Variants in TRIM33 observed in about 807,000 individuals in gnomAD.
The protein encoded by TRIM33 is tripartite motif containing 33.
A neutral mutation model predicts 125.4 loss-of-function variants in TRIM33; 20 were observed. That is an observed-to-expected ratio of 0.16 (90% CI 0.11 to 0.23). The LOEUF is 0.23. Among genes scored for constraint, TRIM33 ranks in the 10% least tolerant of loss-of-function variants. The pLI is 1.00. For synonymous variants in TRIM33, 564 were observed against 513.9 expected (o/e 1.10, Z -1.32); for missense variants, 920 against 1,411.4 (o/e 0.65, Z 5.58).
At position 114,406,016 on chromosome 1, in the gene TRIM33, T is replaced by C. The variant is rs6677898; in HGVS notation, c.2419-257A>G. 0.063 allele frequency among the ~76,000 whole-genome samples: 9,620 copies of C among 152,268 alleles called. 325 individuals are homozygous for C. Among genetic ancestry groups the C allele is most frequent in the African/African-American group, 0.086 (3,562 of 41,538 alleles). On this transcript the variant is annotated intron_variant, in intron 14 of 19. Coordinates refer to ENST00000358465, the MANE Select transcript of TRIM33 (RefSeq NM_015906.4). ...GTAAATTAATTAAACTGTTAAGCTA[T>C]TGATTGGGAAGTGAGCATAGGGTTA... is the stretch of plus-strand genomic sequence containing the variant.
chr1:114,472,000 T>A (rs1213085295), intron 1 of TRIM33, among the ~76,000 whole-genome samples: 1 of 152,176 alleles, frequency 6.6e-6, no homozygotes, highest in East Asian at 1.9e-4. Context: ...CTATTTAGTG[T>A]AAATACTGCT....
At chr1:114,479,150 A>G (rs1651145659) in intron 1 of TRIM33, among the ~76,000 whole-genome samples, 1 of 152,242 alleles carries the variant, frequency 6.6e-6, no homozygotes, top group Non-Finnish European at 1.5e-5. Context: ...CTGACGAGAA[A>G]AGAACAGATC....
intron 1 of TRIM33, among the ~76,000 whole-genome samples, chr1:114,508,282 ATAT>A (rs1169494256): frequency 2.0e-5 from 3 of 152,160 alleles, no homozygotes; most frequent in Non-Finnish European, 4.4e-5. Context: ...GGGGATTTAC[ATAT>A]TATTCTCTCT....
intron 4 of TRIM33, among the ~76,000 whole-genome samples, chr1:114,447,260 A>G (rs1441216646): frequency 6.6e-6 from 1 of 152,198 alleles, no homozygotes; most frequent in Admixed American, 6.5e-5. Flanking sequence ...TAGAGGCAAC[A>G]GAGGTAGTAC....
At chr1:114,464,147 T>C (rs74317591) in intron 2 of TRIM33, 123 bp downstream of exon 2, 16,232 of 528,884 alleles carry the variant, frequency 0.031, 359 homozygotes, top group Non-Finnish European at 0.033. Flanking sequence ...TCTTTAACTT[T>C]CTATTTGAAA....
At chr1:114,487,657 G>A (rs1651785651) in intron 1 of TRIM33, among the ~76,000 whole-genome samples, 1 of 151,622 alleles carries the variant, frequency 6.6e-6, no homozygotes, top group South Asian at 2.1e-4. Flanking sequence ...CAGCACTTTG[G>A]GAGGCCGAGG....
chr1:114,503,181 C>T lies in TRIM33; in HGVS notation c.526+7370G>A, dbSNP rs140282830. Among the ~76,000 whole-genome samples the T allele has an allele frequency of 8.5e-5, 13 of 152,234 alleles. No homozygotes were observed. In the East Asian group the frequency reaches 1.7e-3, roughly 20 times the overall value. ...AAAAATAAACTTGACTACTCTCTCG[C>T]GTTAAAATCTATTTATTGGCTGGGA... is the stretch of plus-strand genomic sequence containing the variant. On this transcript the variant is annotated intron_variant, in intron 1 of 19. Transcript: ENST00000358465.
Position 114,471,716 on chromosome 1 carries a change from T to C in TRIM33, c.527-7328A>G, listed in dbSNP as rs527954461. On this transcript the variant is annotated intron_variant, in intron 1 of 19. Coordinates refer to ENST00000358465, the MANE Select transcript of TRIM33 (RefSeq NM_015906.4). ...AAGTAAAAGTTAAAAAAGCATTAAA[T>C]AGGAATAGTGGGAATACTGTACAAC... Among the ~76,000 whole-genome samples, 3 of 152,122 alleles carry C rather than the reference T, an allele frequency of 2.0e-5. No homozygotes were observed. The South Asian group carries it at 6.2e-4, about 32-fold the overall frequency.
intron 18 of TRIM33, among the ~76,000 whole-genome samples, chr1:114,398,304 C>T (rs780469117): frequency 6.6e-6 from 1 of 152,124 alleles, no homozygotes; most frequent in Non-Finnish European, 1.5e-5. Context: ...ATACAAGAAA[C>T]GTTGCTTTAA....
At chr1:114,503,237 T>C (rs1173647486) in intron 1 of TRIM33, among the ~76,000 whole-genome samples, 1 of 152,172 alleles carries the variant, frequency 6.6e-6, no homozygotes, top group African/African-American at 2.4e-5. Flanking sequence ...TACCAACACT[T>C]TGGGAGGCTG....
At chr1:114,452,512 A>C (rs1205407135) in intron 4 of TRIM33, among the ~76,000 whole-genome samples, 1 of 152,072 alleles carries the variant, frequency 6.6e-6, no homozygotes, top group Non-Finnish European at 1.5e-5. Context: ...AGATCTTCAT[A>C]AAATCTTAAT....
chr1:114,435,711 A>G (rs529257078), intron 4 of TRIM33, among the ~76,000 whole-genome samples: 40 of 151,914 alleles, frequency 2.6e-4, no homozygotes, highest in African/African-American at 9.4e-4. Flanking sequence ...GGTAAAATAT[A>G]CGTAGTAAAA....
chr1:114,401,410 G>A lies in TRIM33; in HGVS notation c.2946C>T (p.Phe982=). Residue 982 remains phenylalanine, a synonymous_variant, in exon 17 of 20, where the codon TTC becomes TTT. Coordinates refer to ENST00000358465, the MANE Select transcript of TRIM33 (RefSeq NM_015906.4). ...TCACCGAAGCAGGAACAGGCTCCTG[G>A]AATTCAATACTTAATTCATGGCAAT... The part of the protein sequence containing the change: ...YLYCHELSIE[F]QEPVPASIPN... 1 of 1,612,620 alleles carries A rather than the reference G, an allele frequency of 6.2e-7. No homozygotes were observed. The highest frequency in any genetic ancestry group is 1.7e-4 in the Middle Eastern group (1 of 6,052).
chr1:114,441,133 C>T (rs1432327882), intron 4 of TRIM33, among the ~76,000 whole-genome samples: 1 of 152,132 alleles, frequency 6.6e-6, no homozygotes, highest in East Asian at 1.9e-4. Context: ...TAAAGCGAGA[C>T]CCTGTCTGGA....
intron 1 of TRIM33, among the ~76,000 whole-genome samples, chr1:114,507,195 T>C (rs1653052464): frequency 1.3e-5 from 2 of 152,244 alleles, no homozygotes; most frequent in Non-Finnish European, 2.9e-5. Flanking sequence ...GAGCCCTTCA[T>C]TCAAGACAGT....
intron 11 of TRIM33, among the ~76,000 whole-genome samples, chr1:114,411,537 T>C (rs1266455316): frequency 6.6e-6 from 1 of 152,024 alleles, no homozygotes; most frequent in Non-Finnish European, 1.5e-5. Flanking sequence ...GTACCTAATA[T>C]GGGCCAGAGA....
chr1:114,413,439 T>C (rs533879432), intron 11 of TRIM33, among the ~76,000 whole-genome samples: 17 of 150,912 alleles, frequency 1.1e-4, no homozygotes, highest in Non-Finnish European at 2.5e-4. Context: ...ATGCCTGTAA[T>C]CCCAGCTACT....
chr1:114,509,688 G>A (rs1653219891), intron 1 of TRIM33, among the ~76,000 whole-genome samples: 1 of 152,118 alleles, frequency 6.6e-6, no homozygotes, highest in Non-Finnish European at 1.5e-5. Context: ...CCTGTTCATG[G>A]ATTTCCTTTC....
At chr1:114,424,498 A>G in intron 10 of TRIM33, 93 bp downstream of exon 10, 1 of 1,133,020 alleles carries the variant, frequency 8.8e-7, no homozygotes, top group Non-Finnish European at 1.2e-6. Context: ...ATTCTCAAAC[A>G]CATCAATGAC....
Sources: allele counts gnomAD v4.1 joint callset (sites outside exome capture counted in the v4.1 genomes callset), GRCh38; gene constraint gnomAD v4.1.1; transcripts MANE v1.5; gene names NCBI Gene and HGNC (gene_info 2026-07-23, HGNC 2026-07-21).